The following ATP2B4 variants were observed in gnomAD, a reference collection of about 807,000 sequenced individuals.
ATP2B4 encodes the protein plasma membrane calcium-transporting ATPase 4.
ATP2B4 carries 39 observed loss-of-function variants against 110.3 expected under a neutral mutation model. The observed-to-expected ratio is 0.35, with a 90% CI of 0.27 to 0.46. The LOEUF is 0.46. Among genes scored for constraint, ATP2B4 ranks in the 20% least tolerant of loss-of-function variants. The pLI is 1.00. For missense variants in ATP2B4, 1,135 were observed against 1,530.9 expected, an observed-to-expected ratio of 0.74 and a Z score of 4.32; for synonymous variants, 538 against 571.7, an observed-to-expected ratio of 0.94 and a Z score of 0.84.
chr1:203,735,265 C>T lies in ATP2B4; in HGVS notation c.3310-4281C>T, dbSNP rs370548879. Among the ~76,000 whole-genome samples the T allele has an allele frequency of 2.8e-4, 43 of 152,286 alleles. No homozygotes were observed. The South Asian group carries it at 8.9e-3, about 32-fold the overall frequency. ...CAATTGGAGTATTATCAACTCACAA[C>T]CTAAGATCTGGTGTTCCCATTGGTA... is the stretch of plus-strand genomic sequence containing the variant. On this transcript the variant is annotated intron_variant, in intron 20 of 20. Transcript: ENST00000357681.
At position 203,700,399 on chromosome 1, in the gene ATP2B4, C is replaced by G. The variant is rs1172835044; in HGVS notation, c.775+68C>G. ...AACACCTAGGCCACAGGATCCAGACCCTGTTCTCTCCTCTGACTCTGTCCC... is the reference window on the plus strand; with the variant it reads ...AACACCTAGGCCACAGGATCCAGACGCTGTTCTCTCCTCTGACTCTGTCCC... On this transcript the variant is annotated intron_variant, in intron 5 of 20. Coordinates refer to ENST00000357681, the MANE Select transcript of ATP2B4 (RefSeq NM_001684.5). 2.0e-6 allele frequency: 3 copies of G among 1,537,002 alleles called. No homozygotes were observed. The African/African-American group carries it at 4.1e-5, about 21-fold the overall frequency.
chr1:203,728,796 G>A (rs1475793008), intron 20 of ATP2B4, among the ~76,000 whole-genome samples: 3 of 151,622 alleles, frequency 2.0e-5, no homozygotes, highest in Non-Finnish European at 2.9e-5. Context: ...GGCAGAGGTT[G>A]TAGTGAGCTG....
chr1:203,706,697 C>A (rs1665858558), intron 8 of ATP2B4, among the ~76,000 whole-genome samples: 1 of 152,114 alleles, frequency 6.6e-6, no homozygotes, highest in African/African-American at 2.4e-5. Context: ...ACAGATCAAC[C>A]CCCTGATTTA....
At chr1:203,691,752 G>A (rs1571728058) in intron 2 of ATP2B4, among the ~76,000 whole-genome samples, 1 of 152,224 alleles carries the variant, frequency 6.6e-6, no homozygotes, top group Non-Finnish European at 1.5e-5. Context: ...GGAAACTGCT[G>A]TATACTCGGA....
Position 203,683,099 on chromosome 1 carries a change from G to A in ATP2B4, c.-107G>A, listed in dbSNP as rs910946752. ...TCTATTCCCTCACTGGGCCCCCAGA[G>A]AAGCAAGAAGTAGGAAGAAGTTGAG... On this transcript the variant is annotated 5_prime_UTR_variant, in exon 2 of 21. Transcript: ENST00000357681. The A allele has an allele frequency of 7.5e-7, 1 of 1,329,958 alleles. No homozygotes were observed. The highest frequency in any genetic ancestry group is 1.5e-5 in the African/African-American group (1 of 68,364). 82.4% of individuals were successfully genotyped at this position (1,329,958 alleles called of 1,614,324 possible). A position where few individuals can be genotyped will look rare whatever the true frequency, so the allele number is the denominator to read the frequency against.
chr1:203,629,501 G>A lies in ATP2B4; in HGVS notation c.-465+2282G>A, dbSNP rs1468770113. Among the ~76,000 whole-genome samples, 2 of 152,142 alleles carry A rather than the reference G, an allele frequency of 1.3e-5. No homozygotes were observed. Among genetic ancestry groups the A allele is most frequent in the Non-Finnish European group, 2.9e-5 (2 of 68,006 alleles). ...GTGAGGTCGTTATTTAGCGCGCACC[G>A]GGTCGCCTGAGCCCGGGGTCGCGGC... On this transcript the variant is annotated intron_variant, in intron 1 of 20. Coordinates refer to ENST00000357681, the MANE Select transcript of ATP2B4 (RefSeq NM_001684.5). This position sits in a 1 kb window ranked among gnomAD's most constrained non-coding sequence, Gnocchi z 4.6.
intron 1 of ATP2B4, among the ~76,000 whole-genome samples, chr1:203,676,235 CA>C (rs979164544): frequency 2.2e-4 from 34 of 152,308 alleles, no homozygotes; most frequent in African/African-American, 7.9e-4. Flanking sequence ...TGAAGGAGGG[CA>C]TGTGCTCTAG....
intron 20 of ATP2B4, among the ~76,000 whole-genome samples, chr1:203,729,346 A>C (rs1666621472): frequency 1.3e-5 from 2 of 151,850 alleles, no homozygotes; most frequent in South Asian, 4.2e-4. Context: ...GGAGTTCGAG[A>C]CCAGCCTGGC....
At chr1:203,703,947 C>A in intron 8 of ATP2B4, 134 bp downstream of exon 8, 2 of 1,152,382 alleles carry the variant, frequency 1.7e-6, no homozygotes, top group Non-Finnish European at 2.4e-6. Context: ...TGGGGCTAGG[C>A]GGCTGTTTCC....
chr1:203,719,406 C>T (rs541360432), intron 15 of ATP2B4, among the ~76,000 whole-genome samples: 6 of 151,810 alleles, frequency 4.0e-5, no homozygotes, highest in Admixed American at 1.3e-4. Flanking sequence ...CTGTTTGCTC[C>T]TTTAAAGTAT....
At chr1:203,642,351 TG>T (rs1663659403) in intron 1 of ATP2B4, among the ~76,000 whole-genome samples, 1 of 152,216 alleles carries the variant, frequency 6.6e-6, no homozygotes, top group Non-Finnish European at 1.5e-5. Context: ...CCCAAAGTGC[TG>T]GGATTACAGG....
At chr1:203,662,446 C>T (rs1664368738) in intron 1 of ATP2B4, among the ~76,000 whole-genome samples, 1 of 152,194 alleles carries the variant, frequency 6.6e-6, no homozygotes, top group South Asian at 2.1e-4. Flanking sequence ...ACTCTGTACC[C>T]ATTAAACAAT....
At chr1:203,638,165 G>A (rs952742047) in intron 1 of ATP2B4, among the ~76,000 whole-genome samples, 5 of 152,138 alleles carry the variant, frequency 3.3e-5, no homozygotes, top group African/African-American at 7.2e-5. Context: ...GCTACCACCC[G>A]ACTGAGGACA....
intron 19 of ATP2B4, among the ~76,000 whole-genome samples, chr1:203,724,315 A>C (rs1666438171): frequency 6.6e-6 from 1 of 152,150 alleles, no homozygotes; most frequent in South Asian, 2.1e-4. Context: ...CAGGAAATCA[A>C]GACCGTCCTG....
chr1:203,657,724 G>T, intron 1 of ATP2B4: 1 of 739,428 alleles, frequency 1.4e-6, no homozygotes, highest in Non-Finnish European at 2.5e-6. Context: ...TATCCATAGT[G>T]TTTATGGTGT....
chr1:203,686,690 T>C (rs1416263372), intron 2 of ATP2B4, among the ~76,000 whole-genome samples: 46 of 115,596 alleles, frequency 4.0e-4, no homozygotes, highest in African/African-American at 1.5e-3. Flanking sequence ...TCTTTCTTTT[T>C]TTTTTTTTTT....
Position 203,629,674 on chromosome 1 carries a change from G to T in ATP2B4, c.-465+2455G>T, listed in dbSNP as rs530025299. ...CCGCCGCTGGGCTCCACCCTCCCGG[G>T]CTCTGCTGTAGTCTGAGAACTCCGT... On this transcript the variant is annotated intron_variant, in intron 1 of 20. Coordinates refer to ENST00000357681, the MANE Select transcript of ATP2B4 (RefSeq NM_001684.5). The surrounding 1 kb of genome is among the most constrained non-coding windows in gnomAD (Gnocchi z 4.6). 2.6e-5 allele frequency among the ~76,000 whole-genome samples: 4 copies of T among 152,182 alleles called. No individual in the cohort carries two copies. The highest frequency in any genetic ancestry group is 9.7e-5 in the African/African-American group (4 of 41,448).
chr1:203,722,722 C>G (rs374466990), intron 18 of ATP2B4, 33 bp downstream of exon 18: 19 of 1,604,834 alleles, frequency 1.2e-5, no homozygotes, highest in Middle Eastern at 1.7e-4. Context: ...GGCAGGAGAT[C>G]TGGAATGATA....
rs1447705719 is a variant in ATP2B4 at position 203,703,776 on chromosome 1, C to A, written c.1062C>A (p.Gly354=). The change falls in exon 8 of 21, where the codon GGC becomes GGA. Residue 354 remains glycine (G), a synonymous_variant. Transcript: ENST00000357681. ...AAAAGGAGAAGTCAGTGCTGCAGGG[C>A]AAGCTGACTCGCCTGGCTGTTCAGA... The part of the protein sequence containing the change: ...VPKKEKSVLQ[G]KLTRLAVQIG... 6.2e-7 allele frequency: 1 copy of A among 1,614,106 alleles called. No individual in the cohort carries two copies. The highest frequency in any genetic ancestry group is 1.1e-5 in the South Asian group (1 of 91,070).
Sources: gnomAD v4.1 joint callset for allele counts (sites outside exome capture counted in the v4.1 genomes callset) on GRCh38, gnomAD v4.1.1 for gene constraint, Gnocchi (gnomAD v3.1) non-coding constraint, MANE v1.5 for transcripts, NCBI Gene and HGNC (gene_info 2026-07-23, HGNC 2026-07-21) for gene names.